Variants in NUP43 observed in about 807,000 individuals in gnomAD.
The protein encoded by NUP43 is nucleoporin Nup43.
In NUP43, 32 loss-of-function variants were observed where a neutral mutation model predicts 47.3. That is an observed-to-expected ratio of 0.68 (90% CI 0.51 to 0.91). The LOEUF (loss-of-function observed/expected upper bound fraction) is 0.91, where lower values mean the gene tolerates loss of function less well. Ranked by LOEUF, NUP43 falls within the 40% of genes least tolerant of loss-of-function variation. NUP43 has a pLI of 0.00. For synonymous variants in NUP43, 147 were observed against 158.4 expected, an observed-to-expected ratio of 0.93 and a Z score of 0.54; for missense variants, 444 against 453.9, an observed-to-expected ratio of 0.98 and a Z score of 0.20.
At position 149,745,985 on chromosome 6, in the gene NUP43, C is replaced by T; in HGVS notation, c.198G>A (p.Gln66=). Residue 66 remains glutamine, a synonymous_variant, in exon 2 of 8, where the codon CAG becomes CAA. Coordinates refer to ENST00000340413, the MANE Select transcript of NUP43 (RefSeq NM_198887.3). ...DSDGGFEGDH[Q]LLCDIRHHGD... The stretch of plus-strand genomic sequence containing the variant: ...CATGGTGTCTGATATCACACAATAA[C>T]TGATGGTCTCCTTCAAACCCTCCAT... 6.2e-7 allele frequency: 1 copy of T among 1,613,558 alleles called. No individual in the cohort carries two copies. Among genetic ancestry groups the T allele is most frequent in the Non-Finnish European group, 8.5e-7 (1 of 1,179,566 alleles).
chr6:149,741,846 G>T (rs143903200), intron 4 of NUP43, among the ~76,000 whole-genome samples: 427 of 151,954 alleles, frequency 2.8e-3, no homozygotes, highest in South Asian at 5.0e-3. Flanking sequence ...TACTCTGATG[G>T]ATGAAAGGAG....
chr6:149,737,393 C>T (rs570948172), intron 5 of NUP43, among the ~76,000 whole-genome samples: 7 of 152,184 alleles, frequency 4.6e-5, no homozygotes, highest in African/African-American at 1.7e-4. Context: ...CCTTTTGCCT[C>T]AGCCTCCCAA....
At chr6:149,746,823 C>A, upstream of NUP43, 1 of 682,930 alleles carries the variant, frequency 1.5e-6, no homozygotes, top group Non-Finnish European at 2.1e-6. Context: ...AAAAACAATG[C>A]AGTAGAAACC....
chr6:149,746,484 A>C lies in NUP43; in HGVS notation c.12T>G (p.Ile4Met). ...TTTTCTGGGACACAAACTTCGCATA[A>C]ATTTCCTCCATGCCGAAAGCGGCCG... is the stretch of plus-strand genomic sequence containing the variant. MEE[I>M]YAKFVSQKIS... Residue 4 changes from isoleucine (I) to methionine (M), a missense_variant, in exon 1 of 8, where the codon ATT becomes ATG. Transcript: ENST00000340413. 6.2e-7 allele frequency: 1 copy of C among 1,614,124 alleles called. No individual in the cohort carries two copies. Among genetic ancestry groups the C allele is most frequent in the South Asian group, 1.1e-5 (1 of 91,082 alleles).
chr6:149,743,613 C>A, intron 3 of NUP43, 25 bp downstream of exon 3: 1 of 1,425,532 alleles, frequency 7.0e-7, no homozygotes, highest in Non-Finnish European at 9.8e-7. Context: ...AAAAAAAAAT[C>A]ACTTCTCAAA....
At chr6:149,742,343 G>T (rs1400395399) in intron 4 of NUP43, 47 bp downstream of exon 4, 5 of 1,569,572 alleles carry the variant, frequency 3.2e-6, no homozygotes, top group East Asian at 4.5e-5. Flanking sequence ...TGTATTTTTA[G>T]AAGAGACTAG....
At position 149,724,534 on chromosome 6, in the gene NUP43, G is replaced by C. The variant is rs1200767176; in HGVS notation, c.*2435C>G. ...CCCTGCCATAAAGTTGTATCAATTAGGGCTGTTCAAATGTGAAACTGTATT... is the reference window on the plus strand; with the variant it reads ...CCCTGCCATAAAGTTGTATCAATTACGGCTGTTCAAATGTGAAACTGTATT... On this transcript the variant is annotated 3_prime_UTR_variant, in exon 8 of 8. Coordinates refer to ENST00000340413, the MANE Select transcript of NUP43 (RefSeq NM_198887.3). The C allele has an allele frequency of 6.6e-6, 1 of 152,086 alleles. No homozygotes were observed. The highest frequency in any genetic ancestry group is 6.6e-5 in the Admixed American group (1 of 15,266). 9.4% of individuals were successfully genotyped at this position (152,086 alleles called of 1,614,324 possible).
intron 5 of NUP43, among the ~76,000 whole-genome samples, chr6:149,738,006 G>T (rs1785456516): frequency 6.6e-6 from 1 of 151,822 alleles, no homozygotes; most frequent in Non-Finnish European, 1.5e-5. Flanking sequence ...GAATCTTAAT[G>T]ATACCAAAAA....
intron 7 of NUP43, chr6:149,729,287 C>A (rs114971590): frequency 6.5e-6 from 1 of 152,672 alleles, no homozygotes; most frequent in African/African-American, 2.4e-5. Flanking sequence ...CCACCGCGCC[C>A]GGCCTCCTTT....
chr6:149,747,759 C>G (rs1786086894), upstream of NUP43, among the ~76,000 whole-genome samples: 1 of 152,128 alleles, frequency 6.6e-6, no homozygotes. Context: ...TTGGTTATTT[C>G]TTTAAAAAGG....
intron 5 of NUP43, among the ~76,000 whole-genome samples, chr6:149,736,884 TCTC>T (rs1419757473): frequency 6.6e-6 from 1 of 152,020 alleles, no homozygotes; most frequent in Non-Finnish European, 1.5e-5. Context: ...AGATGGGGTT[TCTC>T]CATGTTGCCC....
At position 149,727,029 on chromosome 6, in the gene NUP43, A is replaced by G. The variant is rs1341888511; in HGVS notation, c.1083T>C (p.Pro361=). The G allele has an allele frequency of 6.2e-7, 1 of 1,614,170 alleles. No homozygotes were observed. The highest frequency in any genetic ancestry group is 8.5e-7 in the Non-Finnish European group (1 of 1,180,002). ...CTGCATCGGTTCCACAAACAAGACA[A>G]GGACCTAAAACATCCAAAGTGTTCA... ...LSVNTLDVLG[P]CLVCGTDAEA... is the part of the protein sequence containing the mutation. The change falls in exon 8 of 8, where the codon CCT becomes CCC. Residue 361 remains proline, a synonymous_variant. Transcript: ENST00000340413.
upstream of NUP43, chr6:149,746,772 C>A: frequency 8.4e-7 from 1 of 1,193,116 alleles, no homozygotes; most frequent in Non-Finnish European, 1.1e-6. Flanking sequence ...TTCTTGTGTT[C>A]AATAATTGTG....
rs200081462 is a variant in NUP43, at chr6:149,738,766, C to T, written c.515G>A (p.Ser172Asn). Residue 172 changes from serine (S) to asparagine (N), a missense_variant, in exon 5 of 8, where the codon AGT becomes AAT. Physicochemically the swap from Ser to Asn is conservative, Grantham distance 46. Transcript: ENST00000340413. ...AAAGGTTACAGCATGGAGTGTACTA[C>T]TATCTGCATTGTCTAAAAATTTAAA... Reference protein sequence around the residue: ...EAVRTIDNADSSTLHAVTFLR... With the variant: ...EAVRTIDNADNSTLHAVTFLR... The T allele has an allele frequency of 4.0e-6, 6 of 1,514,016 alleles. No individual in the cohort carries two copies. In the African/African-American group the frequency reaches 8.4e-5, roughly 21 times the overall value. The allele number at this position is 1,514,016 out of a possible 1,614,324, so 93.8% of individuals were successfully genotyped here. A position where few individuals can be genotyped will look rare whatever the true frequency, so the allele number is the denominator to read the frequency against.
rs141467915 is a variant in NUP43, at chr6:149,724,524, G to A, written c.*2445C>T. On this transcript the variant is annotated 3_prime_UTR_variant, in exon 8 of 8. Coordinates refer to ENST00000340413, the MANE Select transcript of NUP43 (RefSeq NM_198887.3). ...CACACTAAAACCCTGCCATAAAGTT[G>A]TATCAATTAGGGCTGTTCAAATGTG... is the stretch of plus-strand genomic sequence containing the variant. 6.6e-6 allele frequency: 1 copy of A among 152,272 alleles called. No individual in the cohort carries two copies. The highest frequency in any genetic ancestry group is 1.9e-4 in the East Asian group (1 of 5,188). 9.4% of individuals were successfully genotyped at this position (152,272 alleles called of 1,614,324 possible).
At chr6:149,737,431 C>A (rs180953752) in intron 5 of NUP43, among the ~76,000 whole-genome samples, 1 of 152,100 alleles carries the variant, frequency 6.6e-6, no homozygotes, top group Non-Finnish European at 1.5e-5. Flanking sequence ...CACATGCTAC[C>A]GTGCCAGGCT....
rs1036815753 is a variant in NUP43, at chr6:149,725,740, T to C, written c.*1229A>G. The C allele has an allele frequency of 6.6e-6, 1 of 152,190 alleles. No individual in the cohort carries two copies. The highest frequency in any genetic ancestry group is 6.5e-5 in the Admixed American group (1 of 15,272). 9.4% of individuals were successfully genotyped at this position (152,190 alleles called of 1,614,324 possible). A position where few individuals can be genotyped will look rare whatever the true frequency, so the allele number is the denominator to read the frequency against. The stretch of plus-strand genomic sequence containing the variant: ...TCTCAGGTCAATAATACATTTAAAA[T>C]CTAACAAAGTTTGGAAAGATAGTAT... On this transcript the variant is annotated 3_prime_UTR_variant, in exon 8 of 8. Coordinates refer to ENST00000340413, the MANE Select transcript of NUP43 (RefSeq NM_198887.3).
intron 6 of NUP43, among the ~76,000 whole-genome samples, chr6:149,735,771 C>T (rs1379940673): frequency 6.7e-6 from 1 of 148,312 alleles, no homozygotes; most frequent in East Asian, 2.0e-4. Flanking sequence ...CCAGCCTGGG[C>T]AATAAAGTGA....
intron 6 of NUP43, among the ~76,000 whole-genome samples, chr6:149,733,749 A>G (rs914820041): frequency 1.3e-5 from 2 of 151,964 alleles, no homozygotes; most frequent in African/African-American, 4.8e-5. Flanking sequence ...CCCAGCCCCA[A>G]AGAAATTCTA....
Sources: allele counts gnomAD v4.1 joint callset (sites outside exome capture counted in the v4.1 genomes callset), GRCh38; gene constraint gnomAD v4.1.1; transcripts MANE v1.5; gene names NCBI Gene and HGNC (gene_info 2026-07-23, HGNC 2026-07-21).